SLC14A2: variants seen among roughly 807,000 people sequenced by gnomAD.
SLC14A2 encodes the protein solute carrier family 14 member 2, also known as urea transporter 2.
A neutral mutation model predicts 104.6 loss-of-function variants in SLC14A2; 91 were observed. That is an observed-to-expected ratio of 0.87 (90% confidence interval 0.73 to 1.04). The LOEUF is 1.04. Ranked by LOEUF, SLC14A2 falls within the 50% of genes least tolerant of loss-of-function variation. The probability of loss-of-function intolerance (pLI) is 0.00; values close to 1 mark genes in which losing one functional copy is unlikely to be tolerated. For missense variants in SLC14A2, 1,189 were observed against 1,156.0 expected (o/e 1.03, Z -0.41); for synonymous variants, 476 against 466.4 (o/e 1.02, Z -0.27).
At chr18:45,528,005 T>C (rs924077197) in intron 2 of SLC14A2, 1 of 152,178 alleles carries the variant, frequency 6.6e-6, no homozygotes, top group Non-Finnish European at 1.5e-5. Context: ...TGCATGTGTG[T>C]GCCCATAGGG....
intron 1 of SLC14A2, among the ~76,000 whole-genome samples, chr18:45,622,094 T>C (rs144431823): frequency 1.3e-5 from 2 of 152,260 alleles, no homozygotes; most frequent in Non-Finnish European, 2.9e-5. Context: ...AAAGCATTGA[T>C]GGGCTTTAAG....
At chr18:45,460,231 C>CA (rs552346760) in intron 1 of SLC14A2, among the ~76,000 whole-genome samples, 5 of 152,208 alleles carry the variant, frequency 3.3e-5, no homozygotes, top group Non-Finnish European at 7.4e-5. Flanking sequence ...CCACCAAAGC[C>CA]AGGCAAAGGA....
chr18:45,189,443 A>G, the SLC14A2 span, among the ~76,000 whole-genome samples: 2 of 152,316 alleles, frequency 1.3e-5, no homozygotes, highest in South Asian at 4.1e-4. Context: ...TGTTGATAGA[A>G]AATAAATCTG....
At chr18:45,641,102 G>A in intron 7 of SLC14A2, 107 bp from the exon 8 acceptor site, 1 of 1,156,982 alleles carries the variant, frequency 8.6e-7, no homozygotes, top group East Asian at 2.4e-5. Flanking sequence ...TTGGAGATGT[G>A]GGGTGAACAA....
chr18:45,366,537 C>T (rs1452131781), intron 1 of SLC14A2, among the ~76,000 whole-genome samples: 4 of 152,170 alleles, frequency 2.6e-5, no homozygotes, highest in African/African-American at 4.8e-5. Context: ...TTTATCACTT[C>T]TACCTCCCTT....
chr18:45,595,301 G>A (rs558393957), intron 2 of SLC14A2, among the ~76,000 whole-genome samples: 18 of 152,140 alleles, frequency 1.2e-4, no homozygotes, highest in Non-Finnish European at 2.1e-4. Flanking sequence ...ATTAATGATA[G>A]TTAACATTTA....
At chr18:45,182,248 C>T in the SLC14A2 span, among the ~76,000 whole-genome samples, 1 of 151,534 alleles carries the variant, frequency 6.6e-6, no homozygotes, top group African/African-American at 2.4e-5. Context: ...AAAAAATAAT[C>T]ACAATAAATG....
At chr18:45,640,494 T>A (rs2045506263) in intron 7 of SLC14A2, among the ~76,000 whole-genome samples, 1 of 152,196 alleles carries the variant, frequency 6.6e-6, no homozygotes, top group Admixed American at 6.5e-5. Flanking sequence ...ACTTAACAAA[T>A]GTGCTTTAAT....
At chr18:45,215,010 G>A (rs1599578945) in intron 1 of SLC14A2, among the ~76,000 whole-genome samples, 2 of 152,136 alleles carry the variant, frequency 1.3e-5, no homozygotes, top group Admixed American at 6.6e-5. Context: ...AGTACTCTTG[G>A]AGTTTAGAGA....
intron 1 of SLC14A2, among the ~76,000 whole-genome samples, chr18:45,257,842 G>A (rs79166891): frequency 9.7e-4 from 147 of 152,264 alleles, no homozygotes; most frequent in African/African-American, 3.3e-3. Flanking sequence ...AAACGTATGT[G>A]CATTGTTTTT....
chr18:45,170,942 C>G, the SLC14A2 span, among the ~76,000 whole-genome samples: 1 of 152,104 alleles, frequency 6.6e-6, no homozygotes. Flanking sequence ...CCAGTTGTGT[C>G]TCTCACAGAA....
intron 1 of SLC14A2, among the ~76,000 whole-genome samples, chr18:45,227,363 C>T (rs974796461): frequency 6.6e-6 from 1 of 152,196 alleles, no homozygotes; most frequent in African/African-American, 2.4e-5. Context: ...TCCATTTGTG[C>T]TGTTATAACA....
chr18:45,567,224 A>C, intron 2 of SLC14A2, among the ~76,000 whole-genome samples: 1 of 152,010 alleles, frequency 6.6e-6, no homozygotes, highest in East Asian at 1.9e-4. Context: ...GGGAAGGCCA[A>C]CGCCCACCCC....
intron 1 of SLC14A2, among the ~76,000 whole-genome samples, chr18:45,473,698 G>A (rs1011565281): frequency 2.0e-5 from 3 of 152,120 alleles, no homozygotes; most frequent in Non-Finnish European, 2.9e-5. Flanking sequence ...TTGATGTATA[G>A]GAATGCTTGT....
intron 1 of SLC14A2, among the ~76,000 whole-genome samples, chr18:45,624,101 C>A (rs752952565): frequency 2.6e-5 from 4 of 152,086 alleles, no homozygotes; most frequent in Non-Finnish European, 5.9e-5. Flanking sequence ...GAAGAATAGA[C>A]CAGTGCTTCC....
At chr18:45,276,059 C>G (rs1251130214) in intron 1 of SLC14A2, among the ~76,000 whole-genome samples, 1 of 152,212 alleles carries the variant, frequency 6.6e-6, no homozygotes, top group Non-Finnish European at 1.5e-5. Context: ...GTGCTGCAGA[C>G]AGCTGCAACA....
At chr18:45,192,671 T>TGTTTTGTTTTGTTTTG in the SLC14A2 span, among the ~76,000 whole-genome samples, 2 of 149,730 alleles carry the variant, frequency 1.3e-5, no homozygotes, top group African/African-American at 4.9e-5. Flanking sequence ...TGTTTTGTTT[T>TGTTTTGTTTTGTTTTG]TTTGAGATGG....
At chr18:45,332,399 T>G (rs2085299448) in intron 1 of SLC14A2, among the ~76,000 whole-genome samples, 1 of 152,186 alleles carries the variant, frequency 6.6e-6, no homozygotes, top group African/African-American at 2.4e-5. Context: ...TAAAGTTACA[T>G]GGAAGGATGT....
At chr18:45,677,351 C>A (rs183717486) in intron 18 of SLC14A2, among the ~76,000 whole-genome samples, 213 of 152,332 alleles carry the variant, frequency 1.4e-3, no homozygotes, top group African/African-American at 4.9e-3. Flanking sequence ...GAGTCCCACT[C>A]AGGCCATCTG....
Sources: allele counts gnomAD v4.1 joint callset (sites outside exome capture counted in the v4.1 genomes callset), GRCh38; gene constraint gnomAD v4.1.1; transcripts MANE v1.5; gene names NCBI Gene and HGNC (gene_info 2026-07-23, HGNC 2026-07-21).